SGCD: variants seen among roughly 807,000 people sequenced by gnomAD.
SGCD encodes the protein sarcoglycan delta.
In SGCD, 18 loss-of-function variants were observed where a neutral mutation model predicts 36.6. That is an observed-to-expected ratio of 0.49 (90% CI 0.34 to 0.73). The LOEUF is 0.73. Among genes scored for constraint, SGCD ranks in the 30% least tolerant of loss-of-function variants. SGCD has a pLI of 0.01. For synonymous variants in SGCD, 133 were observed against 130.6 expected, an observed-to-expected ratio of 1.02 and a Z score of -0.12; for missense variants, 387 against 346.7, an observed-to-expected ratio of 1.12 and a Z score of -0.92.
intron 4 of SGCD, among the ~76,000 whole-genome samples, chr5:156,574,571 C>T (rs970042799): frequency 5.9e-5 from 9 of 152,140 alleles, no homozygotes; most frequent in Non-Finnish European, 2.9e-5. Context: ...ACCACAACAG[C>T]ACACCACAAA....
intron 3 of SGCD, among the ~76,000 whole-genome samples, chr5:156,134,026 A>G (rs1762393818): frequency 6.6e-6 from 1 of 152,022 alleles, no homozygotes; most frequent in Admixed American, 6.6e-5. Flanking sequence ...AGTTTTAAAT[A>G]TATTGTTTTC....
intron 4 of SGCD, among the ~76,000 whole-genome samples, chr5:156,553,712 A>G (rs914754857): frequency 5.3e-5 from 8 of 152,174 alleles, no homozygotes; most frequent in African/African-American, 9.7e-5. Flanking sequence ...TACATAGTAC[A>G]TGACCTTCTG....
chr5:156,679,767 C>G (rs954877558), intron 7 of SGCD, among the ~76,000 whole-genome samples: 2 of 152,174 alleles, frequency 1.3e-5, no homozygotes, highest in Non-Finnish European at 2.9e-5. Context: ...TTCCTTCTTT[C>G]TTGCTTTTCT....
intron 1 of SGCD, among the ~76,000 whole-genome samples, chr5:155,908,406 T>G (rs1194181757): frequency 6.6e-6 from 1 of 152,146 alleles, no homozygotes; most frequent in Non-Finnish European, 1.5e-5. Flanking sequence ...TGTATACTCA[T>G]GAATATTTAT....
intron 3 of SGCD, among the ~76,000 whole-genome samples, chr5:156,379,122 T>C (rs1770839292): frequency 6.6e-6 from 1 of 152,086 alleles, no homozygotes; most frequent in East Asian, 1.9e-4. Context: ...GTTCCAAAGA[T>C]GCAAAATAAA....
At chr5:155,834,757 A>G in the SGCD span, among the ~76,000 whole-genome samples, 1 of 151,986 alleles carries the variant, frequency 6.6e-6, no homozygotes, top group Non-Finnish European at 1.5e-5. Flanking sequence ...TGTGGTGAAG[A>G]CATGGTGCCT....
intron 3 of SGCD, among the ~76,000 whole-genome samples, chr5:156,496,433 C>T (rs1007106641): frequency 1.3e-5 from 2 of 151,990 alleles, no homozygotes; most frequent in East Asian, 1.9e-4. Flanking sequence ...TACTGGGCTG[C>T]GTAAGTAGTA....
chr5:156,041,281 G>A (rs1759626678), intron 1 of SGCD, among the ~76,000 whole-genome samples: 1 of 152,206 alleles, frequency 6.6e-6, no homozygotes, highest in Non-Finnish European at 1.5e-5. Flanking sequence ...AGCGTGCTGA[G>A]CCCCAGAATG....
At chr5:155,808,486 G>GTC in the SGCD span, among the ~76,000 whole-genome samples, 5 of 152,160 alleles carry the variant, frequency 3.3e-5, no homozygotes, top group Non-Finnish European at 2.9e-5. Flanking sequence ...AGAATCTGTA[G>GTC]TCTTCTTATG....
intron 1 of SGCD, among the ~76,000 whole-genome samples, chr5:156,089,201 A>G (rs1157707561): frequency 6.6e-6 from 1 of 152,212 alleles, no homozygotes; most frequent in Non-Finnish European, 1.5e-5. Flanking sequence ...ATGGTCTCCC[A>G]TATGTAATTT....
chr5:156,250,544 C>T lies in SGCD; in HGVS notation c.-43-78990C>T, dbSNP rs554018599. On this transcript the variant is annotated intron_variant, in intron 3 of 9. Coordinates refer to the SGCD transcript ENST00000517913. ...GCTGTGAGACCCTGGATGAGGCTCA[C>T]ACTGCTCTAGTCCAGTTTGCTTTGG... Among the ~76,000 whole-genome samples, 6 of 152,178 alleles carry T rather than the reference C, an allele frequency of 3.9e-5. No homozygotes were observed. The South Asian group carries it at 1.0e-3, about 26-fold the overall frequency.
chr5:156,283,570 A>T (rs1766514198), intron 3 of SGCD, among the ~76,000 whole-genome samples: 1 of 152,096 alleles, frequency 6.6e-6, no homozygotes, highest in South Asian at 2.1e-4. Context: ...CTTTATCTGC[A>T]TTGTCTATTA....
At chr5:156,200,407 G>A (rs1366059720) in intron 3 of SGCD, among the ~76,000 whole-genome samples, 1 of 152,074 alleles carries the variant, frequency 6.6e-6, no homozygotes, top group African/African-American at 2.4e-5. Context: ...AAGACTACAC[G>A]AAGGGGAAAG....
At chr5:156,181,749 A>G (rs1207344710) in intron 3 of SGCD, among the ~76,000 whole-genome samples, 4 of 152,212 alleles carry the variant, frequency 2.6e-5, no homozygotes, top group Admixed American at 6.5e-5. Flanking sequence ...TTGTTTAACC[A>G]TTACAGCAAG....
the SGCD span, among the ~76,000 whole-genome samples, chr5:155,735,104 C>A: frequency 1.3e-5 from 2 of 152,168 alleles, no homozygotes; most frequent in East Asian, 3.9e-4. Context: ...TGAGCTAATT[C>A]TATGTGGTTC....
At chr5:156,582,480 C>G (rs982135434) in intron 4 of SGCD, among the ~76,000 whole-genome samples, 2 of 152,266 alleles carry the variant, frequency 1.3e-5, no homozygotes, top group East Asian at 1.9e-4. Context: ...CAAAAGCAAT[C>G]TCTGTGACAT....
intron 7 of SGCD, among the ~76,000 whole-genome samples, chr5:156,737,600 T>C (rs2113053524): frequency 6.6e-6 from 1 of 152,212 alleles, no homozygotes; most frequent in South Asian, 2.1e-4. Context: ...GAGGGATTCC[T>C]GTACAATATA....
At chr5:156,356,454 G>A (rs911438892) in intron 3 of SGCD, among the ~76,000 whole-genome samples, 2 of 152,182 alleles carry the variant, frequency 1.3e-5, no homozygotes, top group African/African-American at 4.8e-5. Flanking sequence ...CTAAACTCTA[G>A]AATATATGTT....
At chr5:156,668,844 G>GC (rs1461762884) in intron 7 of SGCD, among the ~76,000 whole-genome samples, 11 of 152,164 alleles carry the variant, frequency 7.2e-5, no homozygotes, top group Non-Finnish European at 1.6e-4. Context: ...GAGGAGGGAA[G>GC]CCAGTTAGAT....
Sources: gnomAD v4.1 joint callset for allele counts (sites outside exome capture counted in the v4.1 genomes callset) on GRCh38, gnomAD v4.1.1 for gene constraint, MANE v1.5 for transcripts, NCBI Gene and HGNC (gene_info 2026-07-23, HGNC 2026-07-21) for gene names.